Variants in ARHGAP22 observed in about 807,000 individuals in gnomAD.
ARHGAP22 encodes Rho GTPase activating protein 22.
A neutral mutation model predicts 59.1 loss-of-function variants in ARHGAP22; 48 were observed. The ratio of observed to expected loss-of-function variants is 0.81; its 90% CI spans 0.64 to 1.03. The LOEUF (loss-of-function observed/expected upper bound fraction) is 1.03. Ranked by LOEUF, ARHGAP22 falls within the 50% of genes least tolerant of loss-of-function variation. The pLI is 0.00. For missense variants in ARHGAP22, 1,015 were observed against 958.7 expected (o/e 1.06, Z -0.78); for synonymous variants, 445 against 416.4 (o/e 1.07, Z -0.84).
intron 8 of ARHGAP22, among the ~76,000 whole-genome samples, chr10:48,451,778 C>T (rs1442463092): frequency 2.7e-5 from 4 of 149,662 alleles, no homozygotes; most frequent in East Asian, 2.0e-4. Flanking sequence ...AACACACAAT[C>T]GCACATACAA....
At chr10:48,609,783 G>A (rs774742872), upstream of ARHGAP22, among the ~76,000 whole-genome samples, 5 of 152,078 alleles carry the variant, frequency 3.3e-5, no homozygotes, top group Non-Finnish European at 4.4e-5. Context: ...CCTTCTACAA[G>A]GCCTGTTGCG....
chr10:48,453,567 C>A, intron 7 of ARHGAP22, 142 bp from the exon 8 acceptor site: 1 of 1,286,362 alleles, frequency 7.8e-7, no homozygotes, highest in Non-Finnish European at 1.1e-6. Context: ...CTGCCTCTGC[C>A]AGGCTCGATG....
intron 4 of ARHGAP22, among the ~76,000 whole-genome samples, chr10:48,461,283 C>T (rs754881235): frequency 7.2e-5 from 11 of 152,164 alleles, no homozygotes; most frequent in Non-Finnish European, 1.0e-4. Flanking sequence ...GCTGTTAGGC[C>T]GGGACATGGT....
At chr10:48,537,071 A>G (rs968873893) in intron 3 of ARHGAP22, among the ~76,000 whole-genome samples, 6 of 152,150 alleles carry the variant, frequency 3.9e-5, no homozygotes, top group African/African-American at 1.4e-4. Context: ...CTAGCCTTGC[A>G]TTTGCATATC....
chr10:48,525,529 G>C (rs1443468957), intron 3 of ARHGAP22, among the ~76,000 whole-genome samples: 1 of 152,108 alleles, frequency 6.6e-6, no homozygotes, highest in Non-Finnish European at 1.5e-5. Context: ...GCCGAGATTC[G>C]GCCACTGCAC....
chr10:48,517,893 G>C (rs1295083941), intron 3 of ARHGAP22, among the ~76,000 whole-genome samples: 7 of 152,172 alleles, frequency 4.6e-5, no homozygotes, highest in Non-Finnish European at 1.0e-4. Flanking sequence ...AGAAACTGAG[G>C]TTCTGAGTGG....
chr10:48,451,773 A>T (rs903618812), intron 8 of ARHGAP22: 5 of 573,354 alleles, frequency 8.7e-6, no homozygotes, highest in Non-Finnish European at 1.6e-5. Flanking sequence ...CCCCCAACAC[A>T]CAATCGCACA....
chr10:48,591,865 C>T (rs1367892992), intron 1 of ARHGAP22, among the ~76,000 whole-genome samples: 1 of 151,904 alleles, frequency 6.6e-6, no homozygotes, highest in Non-Finnish European at 1.5e-5. Flanking sequence ...TAGAGCAAGA[C>T]CCTGTCTAAA....
intron 1 of ARHGAP22, among the ~76,000 whole-genome samples, chr10:48,632,814 A>G (rs558312591): frequency 6.6e-6 from 1 of 152,344 alleles, no homozygotes; most frequent in Non-Finnish European, 1.5e-5. Context: ...GAGCGAAATC[A>G]TTGATTTTAA....
chr10:48,655,008 C>CTTTCTCTT (rs1554967984), upstream of ARHGAP22, among the ~76,000 whole-genome samples: 2 of 76,546 alleles, frequency 2.6e-5, no homozygotes, highest in Admixed American at 2.9e-4. Flanking sequence ...CTCTTTCTTT[C>CTTTCTCTT]TCTTTCTTTC....
At chr10:48,485,454 C>A (rs2134148694) in intron 3 of ARHGAP22, among the ~76,000 whole-genome samples, 1 of 152,274 alleles carries the variant, frequency 6.6e-6, no homozygotes, top group Middle Eastern at 3.4e-3. Flanking sequence ...GCTAAGTGCA[C>A]TGAGAAAAAT....
At chr10:48,469,544 C>T (rs1220234332) in intron 4 of ARHGAP22, among the ~76,000 whole-genome samples, 2 of 152,140 alleles carry the variant, frequency 1.3e-5, no homozygotes, top group African/African-American at 2.4e-5. Flanking sequence ...CTTAATTATG[C>T]CCCCCTCCCC....
intron 1 of ARHGAP22, among the ~76,000 whole-genome samples, chr10:48,616,161 G>A (rs2061072895): frequency 1.3e-5 from 2 of 152,224 alleles, no homozygotes; most frequent in Middle Eastern, 3.4e-3. Flanking sequence ...CCAGTAGTAT[G>A]TGCTCATTTA....
At chr10:48,547,414 G>A (rs565672799) in intron 3 of ARHGAP22, among the ~76,000 whole-genome samples, 12 of 152,374 alleles carry the variant, frequency 7.9e-5, no homozygotes, top group East Asian at 5.8e-4. Context: ...GGGGAGTTGG[G>A]GGGGAGGCCC....
chr10:48,496,209 C>G (rs2050909529), intron 3 of ARHGAP22, among the ~76,000 whole-genome samples: 2 of 152,134 alleles, frequency 1.3e-5, no homozygotes, highest in Non-Finnish European at 2.9e-5. Flanking sequence ...CAAAACATAG[C>G]CTGAAGCACA....
chr10:48,574,537 G>T (rs1215865180), intron 2 of ARHGAP22, among the ~76,000 whole-genome samples: 1 of 152,222 alleles, frequency 6.6e-6, no homozygotes, highest in Non-Finnish European at 1.5e-5. Flanking sequence ...GTCAACTTGA[G>T]CTGGGTGGAG....
chr10:48,548,700 G>C (rs2056661521), intron 3 of ARHGAP22, among the ~76,000 whole-genome samples: 1 of 152,208 alleles, frequency 6.6e-6, no homozygotes, highest in African/African-American at 2.4e-5. Flanking sequence ...AAAAAGCCCA[G>C]GTCTGAGAGG....
intron 1 of ARHGAP22, among the ~76,000 whole-genome samples, chr10:48,645,768 C>T (rs2062268203): frequency 6.6e-6 from 1 of 152,060 alleles, no homozygotes; most frequent in South Asian, 2.1e-4. Context: ...TTCTCCACTT[C>T]TAGTCAACAA....
At chr10:48,534,076 G>C (rs1239687028) in intron 3 of ARHGAP22, among the ~76,000 whole-genome samples, 3 of 152,266 alleles carry the variant, frequency 2.0e-5, no homozygotes, top group African/African-American at 7.2e-5. Context: ...CCCACTCCTT[G>C]GAGGGGGAGG....
Sources: gnomAD v4.1 joint callset for allele counts (sites outside exome capture counted in the v4.1 genomes callset) on GRCh38, gnomAD v4.1.1 for gene constraint, MANE v1.5 for transcripts, NCBI Gene and HGNC (gene_info 2026-07-23, HGNC 2026-07-21) for gene names.